Variants in FHIT observed in about 807,000 individuals in gnomAD.
FHIT encodes bis(5'-adenosyl)-triphosphatase.
In FHIT, 19 loss-of-function variants were observed where a neutral mutation model predicts 17.9. The ratio of observed to expected loss-of-function variants is 1.06; its 90% CI spans 0.74 to 1.56. FHIT has a LOEUF of 1.56. FHIT is among the 40% of genes most tolerant of loss of function. The pLI, the probability that FHIT is intolerant of heterozygous loss-of-function variation, is 0.00. For missense variants in FHIT, 248 were observed against 189.2 expected, an observed-to-expected ratio of 1.31 and a Z score of -1.82; for synonymous variants, 81 against 69.7, an observed-to-expected ratio of 1.16 and a Z score of -0.81.
At chr3:59,798,988 C>G (rs1422433211) in intron 8 of FHIT, among the ~76,000 whole-genome samples, 2 of 152,190 alleles carry the variant, frequency 1.3e-5, no homozygotes, top group East Asian at 3.9e-4. Context: ...CTCAGAAAGC[C>G]TTGTGCATGC....
At chr3:60,593,274 A>G (rs1330348691) in intron 4 of FHIT, among the ~76,000 whole-genome samples, 1 of 152,132 alleles carries the variant, frequency 6.6e-6, no homozygotes, top group African/African-American at 2.4e-5. Context: ...TTGTCCTCCA[A>G]CTAGCCTGCA....
intron 2 of FHIT, among the ~76,000 whole-genome samples, chr3:61,130,703 G>C (rs1234763953): frequency 6.6e-6 from 1 of 152,162 alleles, no homozygotes; most frequent in Non-Finnish European, 1.5e-5. Flanking sequence ...AGAGAAGGCT[G>C]TGTAGGGTCA....
intron 5 of FHIT, among the ~76,000 whole-genome samples, chr3:60,131,730 G>C (rs1363913869): frequency 6.6e-6 from 1 of 152,050 alleles, no homozygotes; most frequent in Non-Finnish European, 1.5e-5. Context: ...GTCTAGGAGA[G>C]ACTCCAATCA....
At position 59,972,203 on chromosome 3, in the gene FHIT, T is replaced by C. The variant is rs1015746612; in HGVS notation, c.279+39168A>G. On this transcript the variant is annotated intron_variant, in intron 7 of 9. Coordinates refer to ENST00000492590, the MANE Select transcript of FHIT (RefSeq NM_002012.4). ...TGTGCCCTGTTAAGTTCAGAACATA[T>C]AAAGTAAATACTCTAGAGTTTCAGA... is the stretch of plus-strand genomic sequence containing the variant. 3.9e-5 allele frequency among the ~76,000 whole-genome samples: 6 copies of C among 152,206 alleles called. No homozygotes were observed. The East Asian group carries it at 1.2e-3, about 30-fold the overall frequency.
chr3:60,626,000 T>A (rs1157300177), intron 4 of FHIT, among the ~76,000 whole-genome samples: 2 of 152,246 alleles, frequency 1.3e-5, no homozygotes, highest in African/African-American at 4.8e-5. Context: ...AAAAGGTTTT[T>A]ACCATGAATT....
chr3:60,951,956 A>G (rs1708903539), intron 3 of FHIT, among the ~76,000 whole-genome samples: 1 of 152,290 alleles, frequency 6.6e-6, no homozygotes, highest in Non-Finnish European at 1.5e-5. Context: ...ACCTGAGGTC[A>G]GGAGTTCAAG....
chr3:59,961,101 C>A (rs1269195462), intron 7 of FHIT, among the ~76,000 whole-genome samples: 1 of 152,148 alleles, frequency 6.6e-6, no homozygotes, highest in African/African-American at 2.4e-5. Flanking sequence ...CAATGTTCAG[C>A]CTTATGGTGG....
intron 8 of FHIT, among the ~76,000 whole-genome samples, chr3:59,910,741 A>G (rs1386298680): frequency 1.3e-5 from 2 of 152,232 alleles, no homozygotes; most frequent in Admixed American, 6.5e-5. Context: ...AAGTCCATAC[A>G]TCAGTAGGCA....
intron 3 of FHIT, among the ~76,000 whole-genome samples, chr3:60,862,357 G>A (rs560654207): frequency 2.5e-4 from 38 of 151,812 alleles, no homozygotes; most frequent in Admixed American, 3.9e-4. Flanking sequence ...TTATAGAGAC[G>A]CGGTCTCACT....
chr3:60,660,735 T>TTTTTTTTTTTTTTTTTTTTTTTTTTC, intron 4 of FHIT, among the ~76,000 whole-genome samples: 1 of 135,328 alleles, frequency 7.4e-6, no homozygotes, highest in African/African-American at 2.7e-5. Flanking sequence ...TGCTCTTTTT[T>TTTTTTTTTTTTTTTTTTTTTTTTTTC]TTTTTTTTTT....
At chr3:60,544,908 T>C (rs2036311784) in intron 4 of FHIT, among the ~76,000 whole-genome samples, 1 of 152,200 alleles carries the variant, frequency 6.6e-6, no homozygotes, top group South Asian at 2.1e-4. Flanking sequence ...ACTTATCTAG[T>C]TTTTGTTATC....
At chr3:59,918,307 C>T (rs1430607536) in intron 8 of FHIT, among the ~76,000 whole-genome samples, 3 of 152,004 alleles carry the variant, frequency 2.0e-5, no homozygotes, top group African/African-American at 2.4e-5. Context: ...GACTGTAACA[C>T]ATAATTGGGG....
intron 2 of FHIT, among the ~76,000 whole-genome samples, chr3:61,165,045 T>G (rs919315234): frequency 1.3e-5 from 2 of 152,256 alleles, no homozygotes; most frequent in Non-Finnish European, 2.9e-5. Context: ...CCACCATTCA[T>G]AGGCACCTAG....
intron 3 of FHIT, among the ~76,000 whole-genome samples, chr3:60,885,582 G>A (rs1399636891): frequency 6.6e-6 from 1 of 152,088 alleles, no homozygotes; most frequent in Non-Finnish European, 1.5e-5. Flanking sequence ...AGAAATTCCA[G>A]TCTCCCAGCC....
rs139169323 is a variant in FHIT, at chr3:59,916,776, A to G, written c.348+5570T>C. Among the ~76,000 whole-genome samples, 225 of 152,300 alleles carry G rather than the reference A, an allele frequency of 1.5e-3. 2 individuals are homozygous for G. Among genetic ancestry groups the G allele is most frequent in the African/African-American group, 5.1e-3 (212 of 41,568 alleles). ...CATAGGTCATTAAATTAGCATTACT[A>G]TATGCTTATTTGTTAGTTTTATCAC... is the stretch of plus-strand genomic sequence containing the variant. On this transcript the variant is annotated intron_variant, in intron 8 of 9. Coordinates refer to ENST00000492590, the MANE Select transcript of FHIT (RefSeq NM_002012.4).
At chr3:59,781,694 A>G (rs989608031) in intron 8 of FHIT, among the ~76,000 whole-genome samples, 1 of 152,258 alleles carries the variant, frequency 6.6e-6, no homozygotes, top group Admixed American at 6.5e-5. Flanking sequence ...GTGCAACATT[A>G]ATTACCAATG....
chr3:60,417,388 T>C (rs1255900397), intron 5 of FHIT, among the ~76,000 whole-genome samples: 2 of 152,152 alleles, frequency 1.3e-5, no homozygotes. Flanking sequence ...CGGTCACTTT[T>C]GGTTCATCAT....
At chr3:60,679,644 A>C (rs1278080841) in intron 4 of FHIT, among the ~76,000 whole-genome samples, 3 of 152,086 alleles carry the variant, frequency 2.0e-5, no homozygotes, top group Non-Finnish European at 4.4e-5. Context: ...TTATTCTATA[A>C]ATACTATAAT....
chr3:60,505,531 T>A (rs2034691824), intron 5 of FHIT, among the ~76,000 whole-genome samples: 1 of 152,236 alleles, frequency 6.6e-6, no homozygotes, highest in South Asian at 2.1e-4. Context: ...AAGCCGTTTG[T>A]AACTAATACA....
Sources: allele counts gnomAD v4.1 joint callset (sites outside exome capture counted in the v4.1 genomes callset), GRCh38; gene constraint gnomAD v4.1.1; transcripts MANE v1.5; gene names NCBI Gene and HGNC (gene_info 2026-07-23, HGNC 2026-07-21).